Variants in RGS20 observed in about 807,000 individuals in gnomAD.
RGS20 encodes regulator of G protein signaling 20.
In RGS20, 30 loss-of-function variants were observed where a neutral mutation model predicts 33.6. The observed-to-expected ratio is 0.89, with a 90% CI of 0.67 to 1.21. The LOEUF (loss-of-function observed/expected upper bound fraction) is 1.21, where lower values mean the gene tolerates loss of function less well. Ranked by LOEUF, RGS20 falls within the 50% of genes most tolerant of loss-of-function variation. The pLI is 0.00. For synonymous variants in RGS20, 208 were observed against 197.9 expected, an observed-to-expected ratio of 1.05 and a Z score of -0.43; for missense variants, 472 against 502.4, an observed-to-expected ratio of 0.94 and a Z score of 0.58.
chr8:53,876,194 T>G (rs994103859), intron 1 of RGS20: 1 of 152,230 alleles, frequency 6.6e-6, no homozygotes, highest in Non-Finnish European at 1.5e-5. Flanking sequence ...TCAGAAATTT[T>G]TGGTACAGGA....
intron 2 of RGS20, among the ~76,000 whole-genome samples, chr8:53,890,301 A>G (rs531925435): frequency 2.6e-5 from 4 of 152,186 alleles, no homozygotes; most frequent in Admixed American, 6.5e-5. Context: ...TAGTATGCCA[A>G]TTTGATTCAT....
intron 2 of RGS20, among the ~76,000 whole-genome samples, chr8:53,916,491 G>C (rs1813485595): frequency 6.6e-6 from 1 of 152,182 alleles, no homozygotes; most frequent in African/African-American, 2.4e-5. Flanking sequence ...TAAGCTCTCT[G>C]AGTCTTATCT....
At chr8:53,904,459 T>C (rs1310572392) in intron 2 of RGS20, among the ~76,000 whole-genome samples, 1 of 152,208 alleles carries the variant, frequency 6.6e-6, no homozygotes, top group Non-Finnish European at 1.5e-5. Context: ...CATTAATTTT[T>C]CTATGATGTA....
At chr8:53,858,812 AT>A (rs200967791) in intron 1 of RGS20, among the ~76,000 whole-genome samples, 1 of 143,430 alleles carries the variant, frequency 7.0e-6, no homozygotes, top group African/African-American at 2.6e-5. Context: ...ATGTGGCCCC[AT>A]TTTTTTTAAC....
At chr8:53,941,897 G>A (rs1814308626) in intron 3 of RGS20, among the ~76,000 whole-genome samples, 1 of 152,022 alleles carries the variant, frequency 6.6e-6, no homozygotes, top group Non-Finnish European at 1.5e-5. Flanking sequence ...CAGGAAAATT[G>A]GTCATCCTGC....
chr8:53,885,889 G>A (rs1434433328), intron 2 of RGS20, among the ~76,000 whole-genome samples: 1 of 142,358 alleles, frequency 7.0e-6, no homozygotes, highest in African/African-American at 2.8e-5. Flanking sequence ...CATGTTCTTA[G>A]ACAGAAGGAC....
intron 2 of RGS20, among the ~76,000 whole-genome samples, chr8:53,902,692 A>G (rs79449603): frequency 0.011 from 1,626 of 152,308 alleles, 26 homozygotes; most frequent in African/African-American, 0.037. Flanking sequence ...AAATGAAGAA[A>G]AAGATAAGCT....
At chr8:53,879,720 C>A in intron 2 of RGS20, 2 of 925,944 alleles carry the variant, frequency 2.2e-6, no homozygotes, top group Non-Finnish European at 3.1e-6. Flanking sequence ...GGGAGGGTGG[C>A]AAGGTCGGGA....
chr8:53,926,814 G>A (rs1813813039), intron 2 of RGS20, among the ~76,000 whole-genome samples: 1 of 152,082 alleles, frequency 6.6e-6, no homozygotes, highest in Non-Finnish European at 1.5e-5. Flanking sequence ...CTGGGAGGCT[G>A]AGGCAGGAGA....
rs189648931 is a variant in RGS20 at position 53,870,890 on chromosome 8, T to C, written c.166-8368T>C. Reference sequence around the variant, plus strand: ...CACTTTGGGAGGCTGAGGTAGGTGGTTCACGAGCTCAGGAGTTCAAGACCA... The same window carrying C: ...CACTTTGGGAGGCTGAGGTAGGTGGCTCACGAGCTCAGGAGTTCAAGACCA... On this transcript the variant is annotated intron_variant, in intron 1 of 5. Coordinates refer to ENST00000297313, the MANE Select transcript of RGS20 (RefSeq NM_170587.4). 5.5e-4 allele frequency among the ~76,000 whole-genome samples: 83 copies of C among 151,828 alleles called. 1 individual carries two copies. In the East Asian group the frequency reaches 0.015, roughly 27 times the overall value.
intron 5 of RGS20, 104 bp from the exon 5 acceptor site, chr8:53,958,166 A>C (rs997816238): frequency 2.2e-5 from 19 of 860,144 alleles, no homozygotes; most frequent in Middle Eastern, 2.9e-4. Context: ...AAAACCAAAA[A>C]CAAAAAACAA....
chr8:53,900,000 T>C (rs749071717), intron 2 of RGS20, among the ~76,000 whole-genome samples: 11 of 152,150 alleles, frequency 7.2e-5, no homozygotes, highest in Non-Finnish European at 1.5e-4. Context: ...TGTTCTCAGC[T>C]TTGCCCAGCT....
intron 1 of RGS20, among the ~76,000 whole-genome samples, chr8:53,863,386 T>A (rs952482881): frequency 6.6e-6 from 1 of 152,128 alleles, no homozygotes; most frequent in Non-Finnish European, 1.5e-5. Flanking sequence ...GCAATAAGCA[T>A]TCTCAGGGGC....
At chr8:53,953,989 G>A (rs1814786598) in intron 4 of RGS20, 87 bp from the exon 4 acceptor site, 1 of 908,864 alleles carries the variant, frequency 1.1e-6, no homozygotes, top group Non-Finnish European at 1.8e-6. Flanking sequence ...ATTCTTGGAG[G>A]AGGAAAAGAT....
chr8:53,884,412 TG>T (rs1430096123), intron 2 of RGS20, among the ~76,000 whole-genome samples: 3 of 152,104 alleles, frequency 2.0e-5, no homozygotes, highest in African/African-American at 7.2e-5. Context: ...CCAGGGCTGA[TG>T]AACAGCCAGT....
At chr8:53,905,953 A>G (rs756334898) in intron 2 of RGS20, among the ~76,000 whole-genome samples, 1 of 152,050 alleles carries the variant, frequency 6.6e-6, no homozygotes, top group Non-Finnish European at 1.5e-5. Flanking sequence ...CCCCAGCCAA[A>G]TGGCTTTTCC....
Position 53,879,587 on chromosome 8 carries a change from G to C in RGS20, c.495G>C (p.Gln165His), listed in dbSNP as rs769589533. The C allele has an allele frequency of 1.1e-5, 16 of 1,520,510 alleles. No homozygotes were observed. Among genetic ancestry groups the C allele is most frequent in the Non-Finnish European group, 1.1e-5 (13 of 1,136,180 alleles). The allele number at this position is 1,520,510 out of a possible 1,614,324, so 94.2% of individuals were successfully genotyped here. A position where few individuals can be genotyped will look rare whatever the true frequency, so the allele number is the denominator to read the frequency against. ...GGGAAGAAGACGCCACCGCTGGGCA[G>C]AGCTCGCCTATGCCGGTGAGTACCG... The change falls in exon 2 of 6, where the codon CAG (glutamine) becomes CAC (histidine). Residue 165 changes from glutamine to histidine, a missense_variant. Gln to His is a conservative substitution (Grantham distance 24). Coordinates refer to ENST00000297313, the MANE Select transcript of RGS20 (RefSeq NM_170587.4).
In RGS20 at chr8:53,958,289, TGA is replaced by T. The variant is rs1814932876; in HGVS notation, c.1003_1004del (p.Glu335SerfsTer16). 6.2e-7 allele frequency: 1 copy of T among 1,612,126 alleles called. No homozygotes were observed. The highest frequency in any genetic ancestry group is 8.5e-7 in the Non-Finnish European group (1 of 1,179,106). ...CGACAGGTGAGCTTAGACTCCCGGG[TGA>T]GAGAAGTGATCAACAGAAACATGGT... On this transcript the variant is annotated frameshift_variant, in exon 6 of 6. Transcript: ENST00000297313. LOFTEE classifies it high-confidence loss of function.
intron 2 of RGS20, among the ~76,000 whole-genome samples, chr8:53,916,504 G>A (rs1455222789): frequency 1.3e-5 from 2 of 152,158 alleles, no homozygotes; most frequent in Non-Finnish European, 2.9e-5. Context: ...TCTTATCTCA[G>A]AGGAAGATAT....
Sources: allele counts gnomAD v4.1 joint callset (sites outside exome capture counted in the v4.1 genomes callset), GRCh38; gene constraint gnomAD v4.1.1; transcripts MANE v1.5; gene names NCBI Gene and HGNC (gene_info 2026-07-23, HGNC 2026-07-21).